Variants in OPA1 observed in about 807,000 individuals in gnomAD.
OPA1 encodes OPA1 mitochondrial dynamin like GTPase.
OPA1 carries 59 observed loss-of-function variants against 152.9 expected under a neutral mutation model. The ratio of observed to expected loss-of-function variants is 0.39; its 90% CI spans 0.31 to 0.48. OPA1 has a LOEUF of 0.48. Ranked by LOEUF, OPA1 falls within the 20% of genes least tolerant of loss-of-function variation. OPA1 has a pLI of 0.96. For synonymous variants in OPA1, 400 were observed against 389.9 expected (o/e 1.03, Z -0.31); for missense variants, 1,008 against 1,216.8 (o/e 0.83, Z 2.55).
At chr3:193,641,074 A>T (rs2109029325) in intron 11 of OPA1, among the ~76,000 whole-genome samples, 1 of 152,292 alleles carries the variant, frequency 6.6e-6, no homozygotes. Flanking sequence ...AAACAAAATG[A>T]ACCTCAGACT....
intron 29 of OPA1, among the ~76,000 whole-genome samples, chr3:193,674,438 T>C (rs540560183): frequency 3.9e-5 from 6 of 152,328 alleles, no homozygotes; most frequent in Non-Finnish European, 8.8e-5. Flanking sequence ...TTTGAAATTA[T>C]GGTACTAAAA....
In OPA1 at chr3:193,633,143, A is replaced by G. The variant is rs1051327656; in HGVS notation, c.843+1478A>G. ...AAGGGTTCCTAGCCAGGTGATTCCA[A>G]TCTGCAACCAGGGGTAAGAGTCATT... On this transcript the variant is annotated intron_variant, in intron 8 of 30. Coordinates refer to ENST00000361510, the MANE Select transcript of OPA1 (RefSeq NM_130837.3). Among the ~76,000 whole-genome samples, 3 of 152,172 alleles carry G rather than the reference A, an allele frequency of 2.0e-5. No homozygotes were observed. In the East Asian group the frequency reaches 5.8e-4, roughly 29 times the overall value.
chr3:193,665,066 T>A, intron 27 of OPA1, 70 bp downstream of exon 27: 2 of 851,114 alleles, frequency 2.3e-6, no homozygotes, highest in Admixed American at 3.6e-5. Context: ...AAAGTAAACT[T>A]TAGCTTAAGC....
intron 1 of OPA1, among the ~76,000 whole-genome samples, chr3:193,610,543 AC>A (rs552777969): frequency 2.0e-4 from 31 of 152,260 alleles, no homozygotes; most frequent in African/African-American, 7.5e-4. Flanking sequence ...TGCTGGGAGA[AC>A]CACTGCTCTC....
chr3:193,693,197 G>A (rs1160389301), intron 30 of OPA1, among the ~76,000 whole-genome samples: 1 of 152,166 alleles, frequency 6.6e-6, no homozygotes, highest in Non-Finnish European at 1.5e-5. Flanking sequence ...TTTCCTGTCA[G>A]GAAAATGTAT....
chr3:193,644,683 T>C (rs1302849669), intron 16 of OPA1, among the ~76,000 whole-genome samples: 1 of 152,186 alleles, frequency 6.6e-6, no homozygotes, highest in Non-Finnish European at 1.5e-5. Flanking sequence ...AGGCCTGCCG[T>C]GGCATTAATG....
intron 29 of OPA1, chr3:193,668,781 C>T: frequency 6.6e-6 from 8 of 1,208,630 alleles, no homozygotes; most frequent in Non-Finnish European, 8.4e-6. Flanking sequence ...ATCACTTTGT[C>T]ACTGTTTGGG....
chr3:193,642,925 G>C, intron 12 of OPA1, 50 bp from the exon 13 acceptor site: 1 of 1,578,500 alleles, frequency 6.3e-7, no homozygotes, highest in Non-Finnish European at 8.7e-7. Context: ...AAGAATATTT[G>C]TGAATTAAGA....
intron 21 of OPA1, 125 bp from the exon 22 acceptor site, chr3:193,654,737 A>G (rs1577286409): frequency 4.2e-6 from 4 of 948,018 alleles, no homozygotes; most frequent in East Asian, 5.3e-5. Context: ...GTATATACAC[A>G]TGTGAAAACT....
At chr3:193,685,943 A>G (rs1338684457) in intron 29 of OPA1, among the ~76,000 whole-genome samples, 1 of 152,228 alleles carries the variant, frequency 6.6e-6, no homozygotes, top group African/African-American at 2.4e-5. Context: ...CAACATTGTC[A>G]TATATTTTAA....
intron 1 of OPA1, among the ~76,000 whole-genome samples, chr3:193,604,418 G>A (rs1482123012): frequency 6.6e-6 from 1 of 152,176 alleles, no homozygotes; most frequent in African/African-American, 2.4e-5. Flanking sequence ...TGGAACCCAG[G>A]ATCTGCAATA....
chr3:193,635,283 G>A lies in OPA1; in HGVS notation c.844-135G>A, dbSNP rs3736198. 0.48 allele frequency: 276,394 copies of A among 581,522 alleles called. 66,864 individuals carry two copies. The highest frequency in any genetic ancestry group is 0.57 in the African/African-American group (30,144 of 53,202). 36.0% of individuals were successfully genotyped at this position (581,522 alleles called of 1,614,324 possible). On this transcript the variant is annotated intron_variant, in intron 8 of 30. Coordinates refer to ENST00000361510, the MANE Select transcript of OPA1 (RefSeq NM_130837.3). ...TGTTTATTTTATTCCTAATGTTTTC[G>A]TAGATGCTTTTAAAATGTAATACAT... is the stretch of plus-strand genomic sequence containing the variant.
At chr3:193,606,855 A>G (rs965576419) in intron 1 of OPA1, among the ~76,000 whole-genome samples, 3 of 152,168 alleles carry the variant, frequency 2.0e-5, no homozygotes, top group African/African-American at 7.2e-5. Flanking sequence ...GACTTCCACA[A>G]TGGTTGAACT....
At position 193,637,281 on chromosome 3, in the gene OPA1, G is replaced by A. The variant is rs751980165; in HGVS notation, c.1035G>A (p.Arg345=). 1 of 1,600,120 alleles carries A rather than the reference G, an allele frequency of 6.2e-7. No individual in the cohort carries two copies. Among genetic ancestry groups the A allele is most frequent in the Non-Finnish European group, 8.6e-7 (1 of 1,169,214 alleles). ...ATAATACGCAAGATCATCTGCCACGGGTATGTGAAAAATTGATAGTGAACT... is the reference window on the plus strand; with the variant it reads ...ATAATACGCAAGATCATCTGCCACGAGTATGTGAAAAATTGATAGTGAACT... ...ASYNTQDHLP[R]VVVVGDQSAG... is the part of the protein sequence containing the mutation. The change falls in exon 10 of 31, where the codon CGG becomes CGA. Residue 345 remains arginine (R), a splice_region_variant and synonymous_variant. Transcript: ENST00000361510.
chr3:193,632,172 A>G (rs1732182229), intron 8 of OPA1, among the ~76,000 whole-genome samples: 1 of 152,230 alleles, frequency 6.6e-6, no homozygotes, highest in South Asian at 2.1e-4. Context: ...TGAGTGGGTA[A>G]CATTCTAGTA....
chr3:193,644,417 C>CA (rs1342096706), intron 16 of OPA1, among the ~76,000 whole-genome samples: 1 of 152,108 alleles, frequency 6.6e-6, no homozygotes, highest in Non-Finnish European at 1.5e-5. Flanking sequence ...GTCATTTCGG[C>CA]ACCCTCATGT....
At position 193,593,355 on chromosome 3, in the gene OPA1, T is replaced by G. The variant is rs1724941785; in HGVS notation, c.-23T>G. 4 of 1,543,212 alleles carry G rather than the reference T, an allele frequency of 2.6e-6. No homozygotes were observed. The highest frequency in any genetic ancestry group is 3.5e-6 in the Non-Finnish European group (4 of 1,143,142). ...GCTCCCGCGTGGCCGTCTCGGCGCC[T>G]GCGTGACCTCCCCGCCGGCGGGATG... is the stretch of plus-strand genomic sequence containing the variant. On this transcript the variant is annotated 5_prime_UTR_variant, in exon 1 of 31. Coordinates refer to ENST00000361510, the MANE Select transcript of OPA1 (RefSeq NM_130837.3).
intron 29 of OPA1, among the ~76,000 whole-genome samples, chr3:193,689,884 A>T (rs1721432125): frequency 1.3e-5 from 2 of 152,122 alleles, no homozygotes; most frequent in Non-Finnish European, 2.9e-5. Flanking sequence ...TTTAAGTTAG[A>T]TGGTTTTTTA....
At chr3:193,613,178 A>G (rs571032984) in intron 1 of OPA1, among the ~76,000 whole-genome samples, 36 of 152,336 alleles carry the variant, frequency 2.4e-4, no homozygotes, top group Non-Finnish European at 4.4e-4. Context: ...TTAGCAGTCT[A>G]TTAGTGCTTG....
Sources: allele counts gnomAD v4.1 joint callset (sites outside exome capture counted in the v4.1 genomes callset), GRCh38; gene constraint gnomAD v4.1.1; transcripts MANE v1.5; gene names NCBI Gene and HGNC (gene_info 2026-07-23, HGNC 2026-07-21).